The following BAIAP2 variants were observed in gnomAD, a reference collection of about 807,000 sequenced individuals.
BAIAP2 encodes the protein BAR/IMD domain containing adaptor protein 2.
Under a neutral mutation model 63.0 loss-of-function variants are expected in BAIAP2, and 18 were observed. The observed-to-expected ratio is 0.29, with a 90% CI of 0.20 to 0.42. The LOEUF (loss-of-function observed/expected upper bound fraction) is 0.42. Ranked by LOEUF, BAIAP2 falls within the 10% of genes least tolerant of loss-of-function variation. The probability of loss-of-function intolerance (pLI) is 1.00; values close to 1 mark genes in which losing one functional copy is unlikely to be tolerated. For synonymous variants in BAIAP2, 386 were observed against 307.6 expected, an observed-to-expected ratio of 1.25 and a Z score of -2.67; for missense variants, 610 against 734.3, an observed-to-expected ratio of 0.83 and a Z score of 1.96.
chr17:81,083,085 G>A (rs2054912261), intron 3 of BAIAP2: 1 of 152,350 alleles, frequency 6.6e-6, no homozygotes, highest in Admixed American at 6.5e-5. Context: ...ACTCAGCTGT[G>A]CTTTGAGGAG....
In BAIAP2 at chr17:81,046,255, A is replaced by G. The variant is rs1310341110; in HGVS notation, c.55-7413A>G. ...GCGCCGTTTCCTCCCAGAAACTTCCATGCATCCCCTCGTTTCCTAAATCCG... is the reference window on the plus strand; with the variant it reads ...GCGCCGTTTCCTCCCAGAAACTTCCGTGCATCCCCTCGTTTCCTAAATCCG... On this transcript the variant is annotated intron_variant, in intron 1 of 13. Coordinates refer to ENST00000428708, the MANE Select transcript of BAIAP2 (RefSeq NM_001144888.2). This position sits in a 1 kb window ranked among gnomAD's most constrained non-coding sequence, Gnocchi z 4.5. 2.6e-5 allele frequency among the ~76,000 whole-genome samples: 4 copies of G among 152,042 alleles called. No individual in the cohort carries two copies. The highest frequency in any genetic ancestry group is 6.5e-5 in the Admixed American group (1 of 15,282).
chr17:81,054,815 G>A (rs1433839524), intron 2 of BAIAP2, among the ~76,000 whole-genome samples: 2 of 152,150 alleles, frequency 1.3e-5, no homozygotes, highest in Non-Finnish European at 2.9e-5. Context: ...GGGTGCACCT[G>A]GGTCTTTCCG....
intron 13 of BAIAP2, 40 bp downstream of exon 13, chr17:81,108,549 G>C (rs940229997): frequency 1.4e-5 from 23 of 1,612,960 alleles, no homozygotes; most frequent in Non-Finnish European, 1.6e-5. Context: ...ACCGTGGGTG[G>C]GTGTGAAGAG....
intron 12 of BAIAP2, chr17:81,107,394 G>A (rs1223515125): frequency 6.5e-6 from 1 of 154,966 alleles, no homozygotes; most frequent in Non-Finnish European, 1.4e-5. Context: ...CCCTGGATTT[G>A]GGCCATCTGG....
At chr17:81,085,832 C>T in intron 5 of BAIAP2, 107 bp downstream of exon 5, 1 of 851,912 alleles carries the variant, frequency 1.2e-6, no homozygotes, top group Non-Finnish European at 1.9e-6. Context: ...TCCCCGAGCT[C>T]CCCGTCCACA....
chr17:81,070,695 C>A (rs563086141), intron 3 of BAIAP2, among the ~76,000 whole-genome samples: 4 of 152,174 alleles, frequency 2.6e-5, no homozygotes, highest in Non-Finnish European at 5.9e-5. Flanking sequence ...CTCATCTCCA[C>A]CCCTGTGTGT....
chr17:81,116,636 T>A lies in BAIAP2; in HGVS notation c.*797T>A, dbSNP rs902743896. Reference sequence around the variant, plus strand: ...CGGGGTCTGCCCCAGGACTCCTGGGTGGACCTCCCCCCCCCACCTCCGCTG... The same window carrying A: ...CGGGGTCTGCCCCAGGACTCCTGGGAGGACCTCCCCCCCCCACCTCCGCTG... On this transcript the variant is annotated 3_prime_UTR_variant, in exon 14 of 14. Transcript: ENST00000428708. 7.5e-6 allele frequency: 3 copies of A among 399,186 alleles called. No individual in the cohort carries two copies. Among genetic ancestry groups the A allele is most frequent in the Middle Eastern group, 7.0e-4 (1 of 1,428 alleles). The allele number at this position is 399,186 out of a possible 1,614,324, so 24.7% of individuals were successfully genotyped here.
At chr17:81,097,891 G>T (rs962140294) in intron 6 of BAIAP2, among the ~76,000 whole-genome samples, 1 of 152,208 alleles carries the variant, frequency 6.6e-6, no homozygotes. Flanking sequence ...AGCCTCATCA[G>T]CGTTTTGGGA....
intron 3 of BAIAP2, among the ~76,000 whole-genome samples, chr17:81,059,110 G>C (rs1161017444): frequency 6.6e-6 from 1 of 151,982 alleles, no homozygotes; most frequent in Non-Finnish European, 1.5e-5. Context: ...GCCCCCTGCG[G>C]ACCCTCATCG....
At chr17:81,074,280 C>G (rs1451669759) in intron 3 of BAIAP2, among the ~76,000 whole-genome samples, 1 of 152,198 alleles carries the variant, frequency 6.6e-6, no homozygotes, top group East Asian at 1.9e-4. Flanking sequence ...GCCTGTGTGT[C>G]TGTGTGCATG....
rs1598630236 is a variant in BAIAP2 at position 81,071,627 on chromosome 17, A to G, written c.218-13205A>G. On this transcript the variant is annotated intron_variant, in intron 3 of 13. Transcript: ENST00000428708. ...GAGTGTTTCTGTGCCCTCAGTGTCC[A>G]CTGGCCAAAAAGAGCACCCTGACCA... is the stretch of plus-strand genomic sequence containing the variant. Among the ~76,000 whole-genome samples, 4 of 152,342 alleles carry G rather than the reference A, an allele frequency of 2.6e-5. No homozygotes were observed. In the East Asian group the frequency reaches 7.7e-4, roughly 29 times the overall value.
At chr17:81,049,331 G>A (rs544982291) in intron 1 of BAIAP2, among the ~76,000 whole-genome samples, 5 of 152,320 alleles carry the variant, frequency 3.3e-5, no homozygotes, top group East Asian at 1.9e-4. Flanking sequence ...ATGGCACAGC[G>A]TGTCCCTGAG....
At chr17:81,113,958 CTTTTTT>C (rs58758919) in intron 13 of BAIAP2, among the ~76,000 whole-genome samples, 3 of 83,170 alleles carry the variant, frequency 3.6e-5, no homozygotes, top group East Asian at 7.2e-4. Context: ...TGGGAACCCA[CTTTTTT>C]TTTTTTTTTT....
At chr17:81,064,912 C>T (rs996151462) in intron 3 of BAIAP2, among the ~76,000 whole-genome samples, 6 of 152,346 alleles carry the variant, frequency 3.9e-5, no homozygotes, top group African/African-American at 1.2e-4. Flanking sequence ...CTCCAAGTTC[C>T]GGAAGCTTCT....
intron 7 of BAIAP2, among the ~76,000 whole-genome samples, chr17:81,102,984 T>G (rs2058694214): frequency 6.6e-6 from 1 of 152,226 alleles, no homozygotes; most frequent in South Asian, 2.1e-4. Flanking sequence ...CTGGTCTGTG[T>G]CCAGCAGGCC....
chr17:81,109,613 G>A (rs2059654980), intron 13 of BAIAP2: 1 of 985,280 alleles, frequency 1.0e-6, no homozygotes, highest in African/African-American at 1.7e-5. Context: ...GCCTCCTGAG[G>A]AAGCCGGCCG....
At chr17:81,044,099 C>A (rs2047457603) in intron 1 of BAIAP2, among the ~76,000 whole-genome samples, 1 of 152,188 alleles carries the variant, frequency 6.6e-6, no homozygotes, top group East Asian at 1.9e-4. Context: ...GTGGCCACAG[C>A]CCCCGGGCTG....
At chr17:81,073,561 G>C (rs2053088712) in intron 3 of BAIAP2, among the ~76,000 whole-genome samples, 1 of 152,132 alleles carries the variant, frequency 6.6e-6, no homozygotes, top group African/African-American at 2.4e-5. Flanking sequence ...CCTCGGGCAG[G>C]GTCTGAGCTG....
chr17:81,096,891 A>G (rs568348333), intron 6 of BAIAP2, among the ~76,000 whole-genome samples: 26 of 152,362 alleles, frequency 1.7e-4, no homozygotes, highest in Middle Eastern at 3.4e-3. Flanking sequence ...TGCATGTTGC[A>G]TAACCAGAGG....
Sources: allele counts gnomAD v4.1 joint callset (sites outside exome capture counted in the v4.1 genomes callset), GRCh38; gene constraint gnomAD v4.1.1; non-coding constraint Gnocchi (gnomAD v3.1); transcripts MANE v1.5; gene names NCBI Gene and HGNC (gene_info 2026-07-23, HGNC 2026-07-21).